Variants in WDR33 observed in about 807,000 individuals in gnomAD.
The protein encoded by WDR33 is pre-mRNA 3' end processing protein WDR33.
WDR33 carries 47 observed loss-of-function variants against 164.9 expected under a neutral mutation model. The observed-to-expected ratio is 0.29, with a 90% CI of 0.23 to 0.36. The LOEUF (loss-of-function observed/expected upper bound fraction) is 0.36. WDR33 is among the 10% of genes least tolerant of loss of function. WDR33 has a pLI of 1.00. For missense variants in WDR33, 1,137 were observed against 1,754.1 expected (o/e 0.65, Z 6.28); for synonymous variants, 505 against 589.0 (o/e 0.86, Z 2.06).
In WDR33 at chr2:127,722,913, G is replaced by GA. The variant is rs776976397; in HGVS notation, c.1378+44dup. 6.4e-7 allele frequency: 1 copy of GA among 1,552,632 alleles called. No homozygotes were observed. Among genetic ancestry groups the GA allele is most frequent in the Non-Finnish European group, 8.7e-7 (1 of 1,148,350 alleles). On this transcript the variant is annotated intron_variant, in intron 13 of 21. Coordinates refer to ENST00000322313, the MANE Select transcript of WDR33 (RefSeq NM_018383.5). This position sits in a 1 kb window ranked among gnomAD's most constrained non-coding sequence, Gnocchi z 5.1. ...TTTATCAGGAACATAAACGGGTCAA[G>GA]AAAAAATTTGTAAAAATTAAATGTG...
intron 7 of WDR33, among the ~76,000 whole-genome samples, chr2:127,747,645 T>A (rs1021103299): frequency 1.3e-5 from 2 of 152,216 alleles, no homozygotes; most frequent in African/African-American, 4.8e-5. Context: ...TTGCCTATAA[T>A]GTATCCTGCT....
chr2:127,760,745 T>G (rs1687649843), intron 7 of WDR33, among the ~76,000 whole-genome samples: 1 of 152,206 alleles, frequency 6.6e-6, no homozygotes, highest in Non-Finnish European at 1.5e-5. Flanking sequence ...CTTGGGGTAC[T>G]AAAAATATTG....
chr2:127,762,926 T>C (rs1687720529), intron 7 of WDR33, 136 bp downstream of exon 7: 1 of 1,442,504 alleles, frequency 6.9e-7, no homozygotes, highest in Non-Finnish European at 9.1e-7. Flanking sequence ...CTGGGTTTTT[T>C]TGAAGAGCCT....
Position 127,720,082 on chromosome 2 carries a change from C to A in WDR33, c.1943G>T (p.Gly648Val), listed in dbSNP as rs1380777803. The change falls in exon 16 of 22, where the codon GGG becomes GTG. Residue 648 changes from glycine (G) to valine (V), a missense_variant. Physicochemically the swap from Gly to Val is moderately radical, Grantham distance 109. Coordinates refer to ENST00000322313, the MANE Select transcript of WDR33 (RefSeq NM_018383.5). This position sits in a 1 kb window ranked among gnomAD's most constrained non-coding sequence, Gnocchi z 5.9. ...CTGTGGTCCCATGAATCCTTGTGGC[C>A]CCCCACCTCCCTGATGCAGTGGAGG... is the stretch of plus-strand genomic sequence containing the variant. ...QGPPLHQGGG[G>V]PQGFMGPQGP... 2.5e-6 allele frequency: 4 copies of A among 1,614,134 alleles called. No homozygotes were observed. The highest frequency in any genetic ancestry group is 4.5e-5 in the East Asian group (2 of 44,866).
At chr2:127,805,496 C>A (rs567261281) in intron 1 of WDR33, among the ~76,000 whole-genome samples, 39 of 152,144 alleles carry the variant, frequency 2.6e-4, no homozygotes, top group African/African-American at 8.7e-4. Context: ...AATTGAGAAA[C>A]AAAATACATG....
In WDR33 at chr2:127,722,588, T is replaced by G; in HGVS notation, c.1518+3A>C. ...TGGATGAGGTGGAGTCACTTTTACT[T>G]ACCTGCTGGAACTGAGCAGGAATGG... On this transcript the variant is annotated splice_donor_region_variant and intron_variant, in intron 14 of 21. Transcript: ENST00000322313. This position sits in a 1 kb window ranked among gnomAD's most constrained non-coding sequence, Gnocchi z 5.1. The G allele has an allele frequency of 6.2e-7, 1 of 1,612,136 alleles. No individual in the cohort carries two copies. Among genetic ancestry groups the G allele is most frequent in the Non-Finnish European group, 8.5e-7 (1 of 1,179,470 alleles).
At chr2:127,805,949 TA>T (rs36092212) in intron 1 of WDR33, among the ~76,000 whole-genome samples, 14,675 of 135,974 alleles carry the variant, frequency 0.11, 923 homozygotes, top group Non-Finnish European at 0.15. Flanking sequence ...AACTTTTGTT[TA>T]AAAAAAAAAA....
At chr2:127,733,824 C>A (rs982660192) in intron 7 of WDR33, among the ~76,000 whole-genome samples, 1 of 152,120 alleles carries the variant, frequency 6.6e-6, no homozygotes, top group African/African-American at 2.4e-5. Flanking sequence ...TGAACAGCAA[C>A]AACAAAAAAT....
Position 127,804,214 on chromosome 2 carries a change from G to A in WDR33, c.-24+6798C>T, listed in dbSNP as rs1689356032. 2.0e-5 allele frequency among the ~76,000 whole-genome samples: 3 copies of A among 152,186 alleles called. No individual in the cohort carries two copies. In the East Asian group the frequency reaches 5.8e-4, roughly 29 times the overall value. On this transcript the variant is annotated intron_variant, in intron 1 of 21. Coordinates refer to ENST00000322313, the MANE Select transcript of WDR33 (RefSeq NM_018383.5). ...CGGGCGCCTGTAGTCCCAGCTACTC[G>A]GGAGGTTGAGGCAGGAGAATGGCGT...
chr2:127,788,596 G>C (rs1688711080), intron 1 of WDR33, among the ~76,000 whole-genome samples: 3 of 140,348 alleles, frequency 2.1e-5, no homozygotes, highest in African/African-American at 8.2e-5. Context: ...AGTAGGGGCG[G>C]CCGGGCAGAG....
intron 7 of WDR33, among the ~76,000 whole-genome samples, chr2:127,739,351 G>C (rs7606469): frequency 0.038 from 5,815 of 151,840 alleles, 256 homozygotes; most frequent in South Asian, 0.17. Context: ...TTTCCCCCCC[G>C]TAAGAAGAGA....
chr2:127,806,439 C>A (rs1043750398), intron 1 of WDR33, among the ~76,000 whole-genome samples: 1 of 151,954 alleles, frequency 6.6e-6, no homozygotes, highest in African/African-American at 2.4e-5. Flanking sequence ...AACTCCTGAC[C>A]TCAGGTGATC....
rs913583783 is a variant in WDR33, at chr2:127,722,576, G to A, written c.1518+15C>T. On this transcript the variant is annotated intron_variant, in intron 14 of 21. Transcript: ENST00000322313. The surrounding 1 kb of genome is among the most constrained non-coding windows in gnomAD (Gnocchi z 5.1). ...AACCTCTCTGCGTGGATGAGGTGGAGTCACTTTTACTTACCTGCTGGAACT... is the reference window on the plus strand; with the variant it reads ...AACCTCTCTGCGTGGATGAGGTGGAATCACTTTTACTTACCTGCTGGAACT... 4 of 1,610,206 alleles carry A rather than the reference G, an allele frequency of 2.5e-6. No homozygotes were observed. Among genetic ancestry groups the A allele is most frequent in the Middle Eastern group, 1.6e-4 (1 of 6,080 alleles).
At chr2:127,755,460 T>C (rs1323411816) in intron 7 of WDR33, among the ~76,000 whole-genome samples, 1 of 152,210 alleles carries the variant, frequency 6.6e-6, no homozygotes, top group Non-Finnish European at 1.5e-5. Context: ...CTCAAAAGGT[T>C]GCCTGTATTG....
chr2:127,750,671 AAAAAAAATAT>A (rs1687304375), intron 7 of WDR33, among the ~76,000 whole-genome samples: 1 of 68,570 alleles, frequency 1.5e-5, no homozygotes, highest in Non-Finnish European at 2.5e-5. Flanking sequence ...AAAAAAAAAA[AAAAAAAATAT>A]ATATATATAT....
chr2:127,726,307 T>C lies in WDR33; in HGVS notation c.851+344A>G, dbSNP rs1686571997. Among the ~76,000 whole-genome samples the C allele has an allele frequency of 6.6e-6, 1 of 152,170 alleles. No homozygotes were observed. The highest frequency in any genetic ancestry group is 1.5e-5 in the Non-Finnish European group (1 of 68,032). On this transcript the variant is annotated intron_variant, in intron 8 of 21. Coordinates refer to ENST00000322313, the MANE Select transcript of WDR33 (RefSeq NM_018383.5). The surrounding 1 kb of genome is among the most constrained non-coding windows in gnomAD (Gnocchi z 4.8). ...GTGAGATGGAGAAGGCTGGGCCGTG[T>C]CTAGTAAGGGGCACACACGTCAACT...
rs368354305 is a variant in WDR33, at chr2:127,719,949, T to A, written c.2076A>T (p.Pro692=). The A allele has an allele frequency of 1.5e-5, 25 of 1,613,970 alleles. No homozygotes were observed. In the South Asian group the frequency reaches 2.5e-4, roughly 16 times the overall value. Residue 692 remains proline, a synonymous_variant, in exon 16 of 22, where the codon CCA becomes CCT. Transcript: ENST00000322313. This position sits in a 1 kb window ranked among gnomAD's most constrained non-coding sequence, Gnocchi z 6.5. ...GPHGPLGPQG[P]PGPQGSSGPQ... ...GACCAGAACTACCTTGTGGTCCAGG[T>A]GGCCCTTGAGGTCCCAAAGGGCCAT... is the stretch of plus-strand genomic sequence containing the variant.
Position 127,701,954 on chromosome 2 carries a change from G to C in WDR33, c.*4369C>G. 2 of 1,401,694 alleles carry C rather than the reference G, an allele frequency of 1.4e-6. No individual in the cohort carries two copies. Among genetic ancestry groups the C allele is most frequent in the Non-Finnish European group, 1.8e-6 (2 of 1,085,026 alleles). 86.8% of individuals were successfully genotyped at this position (1,401,694 alleles called of 1,614,324 possible). A position where few individuals can be genotyped will look rare whatever the true frequency, so the allele number is the denominator to read the frequency against. On this transcript the variant is annotated 3_prime_UTR_variant, in exon 22 of 22. Coordinates refer to ENST00000322313, the MANE Select transcript of WDR33 (RefSeq NM_018383.5). ...GCCTGCTGCGCTGCGAAGAAGCGCC[G>C]TCCCGGCCCGCGCTGCTCTACATGG...
chr2:127,711,776 A>ATTTTTTTTTTTTTTTTTTT lies in WDR33; in HGVS notation c.3308+1806_3308+1807insAAAAAAAAAAAAAAAAAAA, dbSNP rs1284723078. On this transcript the variant is annotated intron_variant, in intron 18 of 21. Transcript: ENST00000322313. The stretch of plus-strand genomic sequence containing the variant: ...GATATATATATATATATATATATAT[A>ATTTTTTTTTTTTTTTTTTT]TATATTTTTTTTTTGAGACAGAGTC... Among the ~76,000 whole-genome samples the ATTTTTTTTTTTTTTTTTTT allele has an allele frequency of 4.3e-5, 4 of 94,076 alleles. 1 individual carries two copies. The highest frequency in any genetic ancestry group is 1.2e-4 in the African/African-American group (2 of 17,352). The allele number at this position is 94,076 out of a possible 152,430, so 61.7% of individuals were successfully genotyped here.
Sources: gnomAD v4.1 joint callset for allele counts (sites outside exome capture counted in the v4.1 genomes callset) on GRCh38, gnomAD v4.1.1 for gene constraint, Gnocchi (gnomAD v3.1) non-coding constraint, MANE v1.5 for transcripts, NCBI Gene and HGNC (gene_info 2026-07-23, HGNC 2026-07-21) for gene names.